The following FOXN3 variants were observed in gnomAD, a reference collection of about 807,000 sequenced individuals.
FOXN3 encodes forkhead box protein N3.
Under a neutral mutation model 38.4 loss-of-function variants are expected in FOXN3, and 7 were observed. The ratio of observed to expected loss-of-function variants is 0.18; its 90% CI spans 0.10 to 0.34. The LOEUF (loss-of-function observed/expected upper bound fraction) is 0.34. FOXN3 is among the 10% of genes least tolerant of loss of function. FOXN3 has a pLI of 1.00. For synonymous variants in FOXN3, 230 were observed against 242.2 expected (o/e 0.95, Z 0.47); for missense variants, 456 against 613.4 (o/e 0.74, Z 2.71).
intron 2 of FOXN3, among the ~76,000 whole-genome samples, chr14:89,383,413 A>C (rs1890711687): frequency 6.6e-6 from 1 of 152,210 alleles, no homozygotes; most frequent in South Asian, 2.1e-4. Context: ...TGGTGCAAAA[A>C]TAATTGCAGT....
intron 3 of FOXN3, among the ~76,000 whole-genome samples, chr14:89,341,131 C>T (rs1566961139): frequency 1.3e-5 from 2 of 152,084 alleles, no homozygotes; most frequent in Non-Finnish European, 2.9e-5. Flanking sequence ...TTGGGACGAC[C>T]CTGGCAGCTG....
chr14:89,323,300 AAAAAGAAAGAAAG>A (rs1887946692), intron 3 of FOXN3, among the ~76,000 whole-genome samples: 2 of 148,278 alleles, frequency 1.3e-5, no homozygotes, highest in South Asian at 4.4e-4. Flanking sequence ...AAAAAAAAAA[AAAAAGAAAGAAAG>A]AAAGAAAGAA....
rs933928561 is a variant in FOXN3 at position 89,484,146 on chromosome 14, G to A, written c.-14-71656C>T. Among the ~76,000 whole-genome samples, 3 of 152,118 alleles carry A rather than the reference G, an allele frequency of 2.0e-5. No individual in the cohort carries two copies. The highest frequency in any genetic ancestry group is 2.9e-5 in the Non-Finnish European group (2 of 68,028). On this transcript the variant is annotated intron_variant, in intron 1 of 6. Coordinates refer to the FOXN3 transcript ENST00000345097. This position sits in a 1 kb window ranked among gnomAD's most constrained non-coding sequence, Gnocchi z 4.0. ...TATCCAACTAGAGTGTGACCAATTCGCTTTCTCACTCCAGAAAATCCCCCC... is the reference window on the plus strand; with the variant it reads ...TATCCAACTAGAGTGTGACCAATTCACTTTCTCACTCCAGAAAATCCCCCC...
intron 1 of FOXN3, among the ~76,000 whole-genome samples, chr14:89,458,424 G>C (rs567168119): frequency 6.6e-6 from 1 of 152,222 alleles, no homozygotes; most frequent in African/African-American, 2.4e-5. Context: ...TTCATTTCCT[G>C]GGATTAGCAC....
intron 3 of FOXN3, among the ~76,000 whole-genome samples, chr14:89,312,894 G>A (rs1887602306): frequency 6.6e-6 from 1 of 152,184 alleles, no homozygotes; most frequent in Non-Finnish European, 1.5e-5. Context: ...CGACTGCCCT[G>A]TAAGCTCACA....
At chr14:89,218,508 G>A (rs1190136610) in intron 4 of FOXN3, among the ~76,000 whole-genome samples, 1 of 152,202 alleles carries the variant, frequency 6.6e-6, no homozygotes, top group Admixed American at 6.5e-5. Context: ...AAGTTTGTGT[G>A]TGTTTTACAC....
Position 89,297,787 on chromosome 14 carries a change from G to A in FOXN3, c.681-16773C>T, listed in dbSNP as rs143796473. ...GAGGCTAGGAGTTCGAGACCAGCCA[G>A]GGCTACATAGCAAGACCCTGATTCT... On this transcript the variant is annotated intron_variant, in intron 3 of 5. Transcript: ENST00000557258. Among the ~76,000 whole-genome samples the A allele has an allele frequency of 2.8e-3, 421 of 152,160 alleles. 3 individuals are homozygous for A. The highest frequency in any genetic ancestry group is 9.7e-3 in the African/African-American group (404 of 41,520).
chr14:89,257,567 G>A (rs759235056), intron 4 of FOXN3, among the ~76,000 whole-genome samples: 11 of 152,176 alleles, frequency 7.2e-5, no homozygotes, highest in Non-Finnish European at 1.5e-4. Context: ...TTCCCCACCA[G>A]GTGAATTTTC....
chr14:89,481,167 G>A (rs555776185), intron 1 of FOXN3, among the ~76,000 whole-genome samples: 3 of 151,992 alleles, frequency 2.0e-5, no homozygotes, highest in Non-Finnish European at 4.4e-5. Flanking sequence ...GGTTGGGAAG[G>A]GGCCTGTTTG....
chr14:89,604,350 A>C (rs1377487932), intron 1 of FOXN3, among the ~76,000 whole-genome samples: 2 of 152,196 alleles, frequency 1.3e-5, no homozygotes, highest in African/African-American at 2.4e-5. Context: ...CCGGCCAACA[A>C]AGACTTCAAA....
Position 89,158,382 on chromosome 14 carries a change from T to C in FOXN3, c.*4032A>G, listed in dbSNP as rs886091303. The C allele has an allele frequency of 3.9e-5, 6 of 152,392 alleles. No individual in the cohort carries two copies. The highest frequency in any genetic ancestry group is 4.4e-5 in the Non-Finnish European group (3 of 68,040). The allele number at this position is 152,392 out of a possible 1,614,324, so 9.4% of individuals were successfully genotyped here. A position where few individuals can be genotyped will look rare whatever the true frequency, so the allele number is the denominator to read the frequency against. ...TGTGGCCAGCAAGCACTAGACACAT[T>C]GAATGCCTCTGCAAAACAAAAGAAA... On this transcript the variant is annotated 3_prime_UTR_variant, in exon 6 of 6. Transcript: ENST00000557258.
rs1041578276 is a variant in FOXN3, at chr14:89,176,719, T to C, written c.851+3982A>G. Among the ~76,000 whole-genome samples the C allele has an allele frequency of 7.9e-5, 12 of 152,372 alleles. No individual in the cohort carries two copies. The South Asian group carries it at 2.5e-3, about 32-fold the overall frequency. ...ATGTGAAAATGCAAAACAAGATGTT[T>C]TTCCCCAAGCACTTCTTAATGGGTT... On this transcript the variant is annotated intron_variant, in intron 5 of 5. Coordinates refer to ENST00000557258, the MANE Select transcript of FOXN3 (RefSeq NM_005197.4).
At chr14:89,398,742 T>C (rs957249574) in intron 2 of FOXN3, among the ~76,000 whole-genome samples, 1 of 152,192 alleles carries the variant, frequency 6.6e-6, no homozygotes, top group Non-Finnish European at 1.5e-5. Flanking sequence ...TCCCAGCACT[T>C]TGGAAGGCTG....
intron 1 of FOXN3, among the ~76,000 whole-genome samples, chr14:89,444,870 C>T (rs1596276315): frequency 3.9e-5 from 6 of 152,204 alleles, no homozygotes; most frequent in South Asian, 4.1e-4. Flanking sequence ...CCTATAGTCC[C>T]GGCACTTTGG....
intron 3 of FOXN3, among the ~76,000 whole-genome samples, chr14:89,310,051 G>A (rs867434864): frequency 2.2e-4 from 33 of 152,308 alleles, no homozygotes; most frequent in Middle Eastern, 3.4e-3. Flanking sequence ...CCTGGCCAGC[G>A]AGCACCCATT....
chr14:89,295,343 T>C (rs1303899880), intron 3 of FOXN3, among the ~76,000 whole-genome samples: 4 of 152,238 alleles, frequency 2.6e-5, no homozygotes, highest in South Asian at 2.1e-4. Context: ...TGGGAATTAA[T>C]TGCACTCTGC....
chr14:89,213,804 C>T (rs1020634632), intron 4 of FOXN3, among the ~76,000 whole-genome samples: 8 of 84,074 alleles, frequency 9.5e-5, no homozygotes, highest in Non-Finnish European at 1.7e-4. Flanking sequence ...AACTATGTTT[C>T]TTAAAGAAGG....
At chr14:89,411,913 G>A (rs1891556009) in intron 2 of FOXN3, 21 bp downstream of exon 2, 3 of 1,332,800 alleles carry the variant, frequency 2.3e-6, no homozygotes, top group Admixed American at 5.5e-5. Context: ...AAAACCTTGG[G>A]TTCCAGACAC....
rs1029764642 is a variant in FOXN3 at position 89,282,008 on chromosome 14, G to A, written c.681-994C>T. Among the ~76,000 whole-genome samples, 13 of 152,052 alleles carry A rather than the reference G, an allele frequency of 8.5e-5. 1 individual carries two copies. The highest frequency in any genetic ancestry group is 1.9e-4 in the East Asian group (1 of 5,188). Reference sequence around the variant, plus strand: ...CACAGAAGAATCTGAAGGGCTATACGGTGAATGCTTCACCATTAAACCAGG... The same window carrying A: ...CACAGAAGAATCTGAAGGGCTATACAGTGAATGCTTCACCATTAAACCAGG... On this transcript the variant is annotated intron_variant, in intron 3 of 5. Transcript: ENST00000557258.
Sources: allele counts gnomAD v4.1 joint callset (sites outside exome capture counted in the v4.1 genomes callset), GRCh38; gene constraint gnomAD v4.1.1; non-coding constraint Gnocchi (gnomAD v3.1); transcripts MANE v1.5; gene names NCBI Gene and HGNC (gene_info 2026-07-23, HGNC 2026-07-21).